MROH6: variants seen among roughly 807,000 people sequenced by gnomAD.
MROH6 encodes the protein maestro heat-like repeat-containing protein family member 6.
In MROH6, 62 loss-of-function variants were observed where a neutral mutation model predicts 67.7. That is an observed-to-expected ratio of 0.92 (90% CI 0.75 to 1.13). MROH6 has a LOEUF of 1.13. Among genes scored for constraint, MROH6 ranks in the 50% most tolerant of loss-of-function variants. The pLI is 0.00. For missense variants in MROH6, 1,175 were observed against 1,029.1 expected (o/e 1.14, Z -1.94); for synonymous variants, 566 against 470.8 (o/e 1.20, Z -2.62).
At chr8:143,571,856 C>T (rs1563921965) in intron 2 of MROH6, 35 bp from the exon 3 acceptor site, 2 of 1,524,294 alleles carry the variant, frequency 1.3e-6, no homozygotes, top group African/African-American at 1.4e-5. Flanking sequence ...AGCAGTCAGG[C>T]CTCCTCCACC....
At position 143,569,623 on chromosome 8, in the gene MROH6, A is replaced by T; in HGVS notation, c.1303-9T>A. On this transcript the variant is annotated splice_polypyrimidine_tract_variant and intron_variant, in intron 8 of 13. Transcript: ENST00000398882. ...GTGCTCACGTGCCGCACCTGCTGGG[A>T]CTCGGGGTCAGCCTCTTGCAGACCT... is the stretch of plus-strand genomic sequence containing the variant. 6.3e-7 allele frequency: 1 copy of T among 1,583,960 alleles called. No homozygotes were observed. The highest frequency in any genetic ancestry group is 8.6e-7 in the Non-Finnish European group (1 of 1,164,702).
At position 143,568,239 on chromosome 8, in the gene MROH6, C is replaced by T. The variant is rs376840586; in HGVS notation, c.1667G>A (p.Arg556His). ...GCCCCAGCAAAAGGCGTGGTCACAG[C>T]GGGCCAGGGTCCACTCTGAGCTCTG... is the stretch of plus-strand genomic sequence containing the variant. ...AAESSEWTLA[R>H]CDHAFCWGLL... Residue 556 changes from arginine (R) to histidine (H), a missense_variant, in exon 11 of 14, where the codon CGC becomes CAC. Coordinates refer to ENST00000398882, the MANE Select transcript of MROH6 (RefSeq NM_001100878.2). 16 of 1,609,652 alleles carry T rather than the reference C, an allele frequency of 9.9e-6. No individual in the cohort carries two copies. Among genetic ancestry groups the T allele is most frequent in the Admixed American group, 6.7e-5 (4 of 59,634 alleles).
rs891016985 is a variant in MROH6, at chr8:143,567,412, C to A, written c.1987G>T (p.Val663Leu). The A allele has an allele frequency of 3.1e-6, 4 of 1,310,956 alleles. No individual in the cohort carries two copies. In the Admixed American group the frequency reaches 1.2e-4, roughly 38 times the overall value. 81.2% of individuals were successfully genotyped at this position (1,310,956 alleles called of 1,614,324 possible). A position where few individuals can be genotyped will look rare whatever the true frequency, so the allele number is the denominator to read the frequency against. Residue 663 changes from valine (V) to leucine (L), a missense_variant, in exon 14 of 14, where the codon GTG (valine) becomes TTG (leucine). Coordinates refer to ENST00000398882, the MANE Select transcript of MROH6 (RefSeq NM_001100878.2). The stretch of plus-strand genomic sequence containing the variant: ...AGCATCGCCACCTGCTGAGCGGACA[C>A]GTGCGCTGCCGCGGCCACAGCCGGC... ...PKPAVAAAAH[V>L]SAQQVAMLAR...
intron 11 of MROH6, 64 bp from the exon 12 acceptor site, chr8:143,567,952 A>G: frequency 6.8e-7 from 1 of 1,472,108 alleles, no homozygotes; most frequent in Non-Finnish European, 9.1e-7. Flanking sequence ...GAGGCTGCAG[A>G]GCTGAATCCA....
intron 3 of MROH6, among the ~76,000 whole-genome samples, chr8:143,571,285 CCA>C (rs1261674940): frequency 2.6e-5 from 4 of 152,178 alleles, no homozygotes; most frequent in Non-Finnish European, 5.9e-5. Context: ...AAAAAAATTG[CCA>C]CAGAGAATAA....
chr8:143,571,630 C>A, intron 3 of MROH6, 37 bp downstream of exon 3: 1 of 1,552,028 alleles, frequency 6.4e-7, no homozygotes, highest in Non-Finnish European at 8.7e-7. Context: ...GGGAAGGAAG[C>A]CGCGTGGGGA....
Position 143,571,745 on chromosome 8 carries a change from CG to C in MROH6, c.523del (p.Arg175GlufsTer3). On this transcript the variant is annotated frameshift_variant, in exon 3 of 14. Transcript: ENST00000398882. LOFTEE classifies it high-confidence loss of function. The part of the protein sequence containing the change: ...AEGRPWRAAL[R>X]VLSALALEHA... ...CTCCAGGGCCAGTGCGCTCAGCACT[CG>C]CAGGGCCGCCCTCCAGGGCCTCCCC... 1 of 1,549,202 alleles carries C rather than the reference CG, an allele frequency of 6.5e-7. No homozygotes were observed. Among genetic ancestry groups the C allele is most frequent in the Non-Finnish European group, 8.7e-7 (1 of 1,147,760 alleles).
rs544025596 is a variant in MROH6 at position 143,569,657 on chromosome 8, C to T, written c.1302+40G>A. ...CAGCCTCTTGCAGACCTCGCCGCGA[C>T]CGGGCCAAGCCCCTCTCCACCCCTC... On this transcript the variant is annotated intron_variant, in intron 8 of 13. Coordinates refer to ENST00000398882, the MANE Select transcript of MROH6 (RefSeq NM_001100878.2). 2,620 of 1,599,278 alleles carry T rather than the reference C, an allele frequency of 1.6e-3. 63 individuals carry two copies. The South Asian group carries it at 0.027, about 17-fold the overall frequency.
rs918769349 is a variant in MROH6, at chr8:143,566,533, G to A, written c.*706C>T. 11 of 152,270 alleles carry A rather than the reference G, an allele frequency of 7.2e-5. No homozygotes were observed. The highest frequency in any genetic ancestry group is 1.3e-4 in the Non-Finnish European group (9 of 68,084). The allele number at this position is 152,270 out of a possible 1,614,324, so 9.4% of individuals were successfully genotyped here. A position where few individuals can be genotyped will look rare whatever the true frequency, so the allele number is the denominator to read the frequency against. ...TCATTCAGCCCTGGGAGAGGTGTTG[G>A]GGTAGTGTCACAAGTGCTCGGTCTG... On this transcript the variant is annotated 3_prime_UTR_variant, in exon 14 of 14. Coordinates refer to ENST00000398882, the MANE Select transcript of MROH6 (RefSeq NM_001100878.2).
At position 143,566,597 on chromosome 8, in the gene MROH6, A is replaced by G. The variant is rs1418459888; in HGVS notation, c.*642T>C. 6.6e-6 allele frequency: 1 copy of G among 152,260 alleles called. No homozygotes were observed. Among genetic ancestry groups the G allele is most frequent in the African/African-American group, 2.4e-5 (1 of 41,452 alleles). 9.4% of individuals were successfully genotyped at this position (152,260 alleles called of 1,614,324 possible). A position where few individuals can be genotyped will look rare whatever the true frequency, so the allele number is the denominator to read the frequency against. ...ACAGGACCCCTACATCTGGACCCCC[A>G]GGTGTGATCTGGGGCCTACGTGGTC... On this transcript the variant is annotated 3_prime_UTR_variant, in exon 14 of 14. Coordinates refer to ENST00000398882, the MANE Select transcript of MROH6 (RefSeq NM_001100878.2).
intron 1 of MROH6, 76 bp downstream of exon 1, chr8:143,572,345 T>C: frequency 1.4e-6 from 2 of 1,392,770 alleles, no homozygotes; most frequent in Non-Finnish European, 1.9e-6. Context: ...ACCGCCCCCC[T>C]GCCACCCCGC....
Position 143,569,980 on chromosome 8 carries a change from G to T in MROH6, c.1129C>A (p.Arg377Ser), listed in dbSNP as rs373718059. 7.9e-5 allele frequency: 128 copies of T among 1,613,126 alleles called. No homozygotes were observed. The highest frequency in any genetic ancestry group is 1.1e-4 in the Non-Finnish European group (127 of 1,179,852). ...PRLRSADDPQRLTAMAFFTGL... is the reference protein window; with the variant it reads ...PRLRSADDPQSLTAMAFFTGL... The stretch of plus-strand genomic sequence containing the variant: ...GTGAAGAAGGCCATAGCCGTGAGAC[G>T]CTGCGGGTCGTCCGCGCTGCGAAGC... The change falls in exon 7 of 14, where the codon CGT (arginine) becomes AGT (serine). Residue 377 changes from arginine (R) to serine (S), a missense_variant. By Grantham distance (110) the Arg-to-Ser change is moderately radical (BLOSUM62 -1). Transcript: ENST00000398882.
At chr8:143,571,547 G>A in intron 3 of MROH6, 120 bp downstream of exon 3, 1 of 1,331,510 alleles carries the variant, frequency 7.5e-7, no homozygotes, top group Non-Finnish European at 1.0e-6. Flanking sequence ...GTCATCGCGG[G>A]GCTGGAATAA....
In MROH6 at chr8:143,571,743, C is replaced by T. The variant is rs758303729; in HGVS notation, c.526G>A (p.Val176Met). 14 of 1,549,228 alleles carry T rather than the reference C, an allele frequency of 9.0e-6. No individual in the cohort carries two copies. Among genetic ancestry groups the T allele is most frequent in the Admixed American group, 2.0e-5 (1 of 51,180 alleles). The change falls in exon 3 of 14, where the codon GTG becomes ATG. Residue 176 changes from valine (V) to methionine (M), a missense_variant. Val to Met is a conservative substitution (Grantham distance 21). Transcript: ENST00000398882. ...TGCTCCAGGGCCAGTGCGCTCAGCACTCGCAGGGCCGCCCTCCAGGGCCTC... is the reference window on the plus strand; with the variant it reads ...TGCTCCAGGGCCAGTGCGCTCAGCATTCGCAGGGCCGCCCTCCAGGGCCTC... ...EGRPWRAALR[V>M]LSALALEHAR... is the part of the protein sequence containing the mutation.
In MROH6 at chr8:143,566,349, T is replaced by A. The variant is rs1823615649; in HGVS notation, c.*890A>T. ...CACTCCCTGTGCACTCGCAGAGGCT[T>A]CTCTGAGGAGGAGGCTGTGAAGGAG... is the stretch of plus-strand genomic sequence containing the variant. On this transcript the variant is annotated 3_prime_UTR_variant, in exon 14 of 14. Coordinates refer to ENST00000398882, the MANE Select transcript of MROH6 (RefSeq NM_001100878.2). 6.6e-6 allele frequency: 1 copy of A among 152,266 alleles called. No individual in the cohort carries two copies. Among genetic ancestry groups the A allele is most frequent in the Non-Finnish European group, 1.5e-5 (1 of 68,054 alleles). 9.4% of individuals were successfully genotyped at this position (152,266 alleles called of 1,614,324 possible).
At chr8:143,571,633 C>G in intron 3 of MROH6, 34 bp downstream of exon 3, 1 of 1,553,436 alleles carries the variant, frequency 6.4e-7, no homozygotes, top group Non-Finnish European at 8.7e-7. Context: ...AAGGAAGCCG[C>G]GTGGGGACCG....
Position 143,570,471 on chromosome 8 carries a change from ACCTG to A in MROH6, c.903_905+1del, listed in dbSNP as rs754490118. The A allele has an allele frequency of 6.2e-7, 1 of 1,610,994 alleles. No individual in the cohort carries two copies. Among genetic ancestry groups the A allele is most frequent in the South Asian group, 1.1e-5 (1 of 90,920 alleles). ...CCCACGTAACCTGGTGTTGCCTCTCACCTGGCATGGCTATGTGGTGGCCCTCGGT... is the reference window on the plus strand; with the variant it reads ...CCCACGTAACCTGGTGTTGCCTCTCAGCATGGCTATGTGGTGGCCCTCGGT... On this transcript the variant is annotated splice_donor_variant and coding_sequence_variant, in exon 5 of 14. Coordinates refer to ENST00000398882, the MANE Select transcript of MROH6 (RefSeq NM_001100878.2). LOFTEE classifies it high-confidence loss of function.
At chr8:143,568,117 C>T (rs904188437) in intron 11 of MROH6, 25 bp downstream of exon 11, 43 of 1,580,414 alleles carry the variant, frequency 2.7e-5, no homozygotes, top group Non-Finnish European at 3.5e-5. Context: ...TACCCCCTTG[C>T]GGTCACCTTG....
At chr8:143,569,652 C>A in intron 8 of MROH6, 38 bp from the exon 9 acceptor site, 2 of 1,597,396 alleles carry the variant, frequency 1.3e-6, no homozygotes, top group Non-Finnish European at 1.7e-6. Context: ...CAGACCTCGC[C>A]GCGACCGGGC....
Sources: gnomAD v4.1 joint callset for allele counts (sites outside exome capture counted in the v4.1 genomes callset) on GRCh38, gnomAD v4.1.1 for gene constraint, MANE v1.5 for transcripts, NCBI Gene and HGNC (gene_info 2026-07-23, HGNC 2026-07-21) for gene names.